Variants in ZNF93 observed in about 807,000 individuals in gnomAD.
ZNF93 encodes zinc finger protein 93, also known as zinc finger protein 505.
ZNF93 carries 29 observed loss-of-function variants against 45.0 expected under a neutral mutation model. The observed-to-expected ratio is 0.64, with a 90% CI of 0.48 to 0.88. ZNF93 has a LOEUF of 0.88. ZNF93 is among the 40% of genes least tolerant of loss of function. The probability of loss-of-function intolerance (pLI) is 0.00; values close to 1 mark genes in which losing one functional copy is unlikely to be tolerated. For missense variants in ZNF93, 578 were observed against 724.0 expected (o/e 0.80, Z 2.31); for synonymous variants, 223 against 244.6 (o/e 0.91, Z 0.82).
At chr19:19,913,239 C>T (rs945604753) in intron 1 of ZNF93, among the ~76,000 whole-genome samples, 3 of 152,176 alleles carry the variant, frequency 2.0e-5, no homozygotes, top group Non-Finnish European at 2.9e-5. Context: ...TTTATAAGCT[C>T]GTTAAAGCTT....
chr19:19,908,485 T>G (rs1240347052), intron 1 of ZNF93: 1 of 152,212 alleles, frequency 6.6e-6, no homozygotes, highest in African/African-American at 2.4e-5. Flanking sequence ...ATTTTCTGGC[T>G]GATGATCAAT....
chr19:19,904,489 C>T (rs1313708453), intron 1 of ZNF93, among the ~76,000 whole-genome samples: 1 of 152,100 alleles, frequency 6.6e-6, no homozygotes, highest in African/African-American at 2.4e-5. Flanking sequence ...AGCTCAGAAG[C>T]ATAGATGGGC....
At position 19,928,475 on chromosome 19, in the gene ZNF93, T is replaced by C. The variant is rs527853940; in HGVS notation, c.227-4707T>C. Among the ~76,000 whole-genome samples, 7 of 151,650 alleles carry C rather than the reference T, an allele frequency of 4.6e-5. No homozygotes were observed. The East Asian group carries it at 1.2e-3, about 25-fold the overall frequency. ...ACTTTTGCTTTTTAATTTCTAGTTT[T>C]ATTCAGGTTTTATTAGAAAACAACC... On this transcript the variant is annotated intron_variant, in intron 3 of 3. Transcript: ENST00000343769.
chr19:19,930,758 A>T (rs2063371490), intron 3 of ZNF93, among the ~76,000 whole-genome samples: 2 of 152,156 alleles, frequency 1.3e-5, no homozygotes, highest in Admixed American at 6.5e-5. Context: ...ATAAAAAGTA[A>T]TTGCTACCAA....
intron 3 of ZNF93, among the ~76,000 whole-genome samples, chr19:19,920,387 A>G (rs2063339723): frequency 6.6e-6 from 1 of 152,210 alleles, no homozygotes; most frequent in Non-Finnish European, 1.5e-5. Context: ...GATGTTCATC[A>G]GGGATGTTGG....
intron 3 of ZNF93, among the ~76,000 whole-genome samples, chr19:19,924,578 T>C (rs1162355851): frequency 1.5e-5 from 2 of 129,710 alleles, no homozygotes; most frequent in African/African-American, 9.3e-5. Flanking sequence ...GGGTTTCTTT[T>C]TTTCTTTCTT....
intron 3 of ZNF93, among the ~76,000 whole-genome samples, chr19:19,924,141 G>A (rs2122186128): frequency 6.6e-6 from 1 of 152,210 alleles, no homozygotes; most frequent in African/African-American, 2.4e-5. Flanking sequence ...AGGCTGGAGT[G>A]CAATGGCATG....
In ZNF93 at chr19:19,926,487, GT is replaced by G. The variant is rs35213406; in HGVS notation, c.227-6683del. Among the ~76,000 whole-genome samples, 816 of 138,434 alleles carry G rather than the reference GT, an allele frequency of 5.9e-3. 8 individuals carry two copies. Among genetic ancestry groups the G allele is most frequent in the African/African-American group, 0.02 (747 of 37,676 alleles). 90.8% of individuals were successfully genotyped at this position (138,434 alleles called of 152,430 possible). ...TATTAGTGTGTTTTCTCAGTGTAGGGTTTTTTTTTTTTCCGAGACAGAGTCT... is the reference window on the plus strand; with the variant it reads ...TATTAGTGTGTTTTCTCAGTGTAGGGTTTTTTTTTTTCCGAGACAGAGTCT... On this transcript the variant is annotated intron_variant, in intron 3 of 3. Coordinates refer to ENST00000343769, the MANE Select transcript of ZNF93 (RefSeq NM_031218.4).
At chr19:19,929,678 C>T (rs2063366705) in intron 3 of ZNF93, among the ~76,000 whole-genome samples, 1 of 152,058 alleles carries the variant, frequency 6.6e-6, no homozygotes, top group African/African-American at 2.4e-5. Context: ...GTGGCTCACG[C>T]CTGTAATCCC....
chr19:19,935,346 C>G lies in ZNF93; in HGVS notation c.*528C>G, dbSNP rs375387024. 114 of 154,466 alleles carry G rather than the reference C, an allele frequency of 7.4e-4. 1 individual carries two copies. The highest frequency in any genetic ancestry group is 2.7e-3 in the African/African-American group (111 of 41,590). 9.6% of individuals were successfully genotyped at this position (154,466 alleles called of 1,614,324 possible). On this transcript the variant is annotated 3_prime_UTR_variant, in exon 4 of 4. Coordinates refer to ENST00000343769, the MANE Select transcript of ZNF93 (RefSeq NM_031218.4). ...CAGCAACCTTGTGACCAGGCTAAAA[C>G]CCCTCATCACTACAAATTCAGAGGG...
At chr19:19,930,156 C>T (rs1322056349) in intron 3 of ZNF93, among the ~76,000 whole-genome samples, 8 of 151,988 alleles carry the variant, frequency 5.3e-5, no homozygotes, top group African/African-American at 1.2e-4. Context: ...ACGTGGGTCA[C>T]GTGTCCACTG....
chr19:19,911,992 A>G (rs1599567343), intron 1 of ZNF93, among the ~76,000 whole-genome samples: 1 of 151,832 alleles, frequency 6.6e-6, no homozygotes, highest in African/African-American at 2.4e-5. Flanking sequence ...CTCGTTCTGC[A>G]CCCGCCTTGG....
intron 1 of ZNF93, among the ~76,000 whole-genome samples, chr19:19,912,180 A>G (rs955844264): frequency 6.6e-6 from 1 of 152,234 alleles, no homozygotes; most frequent in Non-Finnish European, 1.5e-5. Flanking sequence ...GGCAGTGACT[A>G]GAAAAGATAA....
intron 3 of ZNF93, among the ~76,000 whole-genome samples, chr19:19,928,216 A>G (rs908279475): frequency 6.6e-6 from 1 of 152,202 alleles, no homozygotes; most frequent in Non-Finnish European, 1.5e-5. Context: ...TATTTTGTAA[A>G]CATGGCAACT....
Position 19,900,996 on chromosome 19 carries a change from C to T in ZNF93, c.-93C>T, listed in dbSNP as rs2063268433. On this transcript the variant is annotated 5_prime_UTR_variant, in exon 1 of 4. Transcript: ENST00000343769. ...GGTCTCCTCTTCACTACTCTGTGTCCTGTGCTCCTACAGGCCCAGCCTCTG... is the reference window on the plus strand; with the variant it reads ...GGTCTCCTCTTCACTACTCTGTGTCTTGTGCTCCTACAGGCCCAGCCTCTG... 3.2e-6 allele frequency: 5 copies of T among 1,571,486 alleles called. No homozygotes were observed. The highest frequency in any genetic ancestry group is 2.2e-5 in the East Asian group (1 of 44,528).
Position 19,934,508 on chromosome 19 carries a change from T to C in ZNF93, c.1553T>C (p.Phe518Ser). The C allele has an allele frequency of 6.2e-7, 1 of 1,613,358 alleles. No individual in the cohort carries two copies. The highest frequency in any genetic ancestry group is 1.1e-5 in the South Asian group (1 of 91,078). The stretch of plus-strand genomic sequence containing the variant: ...AAATGTGAAGAATGTGGCAAAGCTT[T>C]TAACCAGTCCTCAACCCTTATTAAA... Reference protein sequence around the residue: ...PYKCEECGKAFNQSSTLIKHK... With the variant: ...PYKCEECGKASNQSSTLIKHK... The change falls in exon 4 of 4, where the codon TTT becomes TCT. Residue 518 changes from phenylalanine (F) to serine (S), a missense_variant. Physicochemically the swap from Phe to Ser is radical, Grantham distance 155. Coordinates refer to ENST00000343769, the MANE Select transcript of ZNF93 (RefSeq NM_031218.4).
rs755036783 is a variant in ZNF93 at position 19,915,339 on chromosome 19, G to T, written c.63G>T (p.Leu21=). The change falls in exon 2 of 4, where the codon CTG becomes CTT. Residue 21 remains leucine (L), a synonymous_variant. Transcript: ENST00000343769. ...TCTCTCTGGAGGAGTGGCATTGCCT[G>T]GACACTGCACAGCGGAATCTATATA... The part of the protein sequence containing the change: ...IEFSLEEWHC[L]DTAQRNLYRN... 6.2e-7 allele frequency: 1 copy of T among 1,614,042 alleles called. No homozygotes were observed. Among genetic ancestry groups the T allele is most frequent in the Non-Finnish European group, 8.5e-7 (1 of 1,179,986 alleles).
chr19:19,934,013 C>G lies in ZNF93; in HGVS notation c.1058C>G (p.Ser353Cys). 1 of 1,612,926 alleles carries G rather than the reference C, an allele frequency of 6.2e-7. No homozygotes were observed. The highest frequency in any genetic ancestry group is 2.2e-5 in the East Asian group (1 of 44,848). The change falls in exon 4 of 4, where the codon TCC becomes TGC. Residue 353 changes from serine to cysteine, a missense_variant. This residue lies in a region of ZNF93 where 446 missense variants were observed against 547.6 expected (regional missense o/e 0.81). Transcript: ENST00000343769. ...AAATGTGGCAAAGCCTTTATTGCATCCTCAACCCTTAGTAGACATGAGTTC... is the reference window on the plus strand; with the variant it reads ...AAATGTGGCAAAGCCTTTATTGCATGCTCAACCCTTAGTAGACATGAGTTC... ...CNKCGKAFIA[S>C]STLSRHEFIH...
chr19:19,921,051 T>G (rs930128862), intron 3 of ZNF93, among the ~76,000 whole-genome samples: 1 of 152,194 alleles, frequency 6.6e-6, no homozygotes, highest in Non-Finnish European at 1.5e-5. Flanking sequence ...CAATTTTAGA[T>G]CTTTCCTGCT....
Sources: gnomAD v4.1 joint callset for allele counts (sites outside exome capture counted in the v4.1 genomes callset) on GRCh38, gnomAD v4.1.1 for gene constraint, gnomAD v4.1.1 regional missense constraint, MANE v1.5 for transcripts, NCBI Gene and HGNC (gene_info 2026-07-23, HGNC 2026-07-21) for gene names.